GPHN: variants seen among roughly 807,000 people sequenced by gnomAD.
The protein encoded by GPHN is gephyrin.
In GPHN, 17 loss-of-function variants were observed where a neutral mutation model predicts 95.5. The observed-to-expected ratio is 0.18, with a 90% CI of 0.12 to 0.27. The LOEUF (loss-of-function observed/expected upper bound fraction) is 0.27. Among genes scored for constraint, GPHN ranks in the 10% least tolerant of loss-of-function variants. The pLI is 1.00. For synonymous variants in GPHN, 320 were observed against 322.5 expected (o/e 0.99, Z 0.08); for missense variants, 660 against 978.1 (o/e 0.67, Z 4.34).
chr14:67,144,267 A>ATG (rs2080746670), intron 18 of GPHN, among the ~76,000 whole-genome samples: 1 of 107,910 alleles, frequency 9.3e-6, no homozygotes, highest in Admixed American at 1.0e-4. Flanking sequence ...ATATATATAT[A>ATG]TATATATATA....
the GPHN span, among the ~76,000 whole-genome samples, chr14:67,540,625 CAAAA>C: frequency 1.6e-5 from 2 of 123,228 alleles, no homozygotes; most frequent in Non-Finnish European, 3.6e-5. Flanking sequence ...GACTCTCCCT[CAAAA>C]AAAAAAAAAA....
At chr14:66,640,283 G>A (rs912810008) in intron 1 of GPHN, among the ~76,000 whole-genome samples, 39 of 152,022 alleles carry the variant, frequency 2.6e-4, no homozygotes, top group African/African-American at 8.0e-4. Flanking sequence ...TTGGCTGGGC[G>A]TGGTGGCACG....
chr14:66,660,599 T>C (rs2065587134), intron 1 of GPHN, among the ~76,000 whole-genome samples: 1 of 152,218 alleles, frequency 6.6e-6, no homozygotes, highest in African/African-American at 2.4e-5. Flanking sequence ...GGTTCACAGT[T>C]CTTTTATTTA....
rs750327944 is a variant in GPHN at position 67,159,505 on chromosome 14, G to T, written c.1910+17G>T. 15 of 1,473,980 alleles carry T rather than the reference G, an allele frequency of 1.0e-5. No homozygotes were observed. The highest frequency in any genetic ancestry group is 1.4e-5 in the Non-Finnish European group (15 of 1,052,394). The allele number at this position is 1,473,980 out of a possible 1,614,324, so 91.3% of individuals were successfully genotyped here. On this transcript the variant is annotated intron_variant, in intron 19 of 22. Coordinates refer to ENST00000478722, the MANE Select transcript of GPHN (RefSeq NM_020806.5). ...GAAACCAGGGTATGAAAATCATCTT[G>T]TTATCTCATATATGGGGTTGGTTTG...
chr14:67,252,532 C>T, the GPHN span, among the ~76,000 whole-genome samples: 1 of 152,016 alleles, frequency 6.6e-6, no homozygotes, highest in Non-Finnish European at 1.5e-5. Context: ...TACAGGAGGC[C>T]CAAAACTTGT....
chr14:67,594,865 T>A, the GPHN span, among the ~76,000 whole-genome samples: 8 of 151,884 alleles, frequency 5.3e-5, no homozygotes, highest in African/African-American at 1.9e-4. Flanking sequence ...AACACTTACA[T>A]TAGGCCGGGC....
the GPHN span, among the ~76,000 whole-genome samples, chr14:67,260,483 A>T: frequency 6.6e-6 from 1 of 152,248 alleles, no homozygotes; most frequent in African/African-American, 2.4e-5. Flanking sequence ...GGGGGCTTGC[A>T]ATTAATAGAC....
the GPHN span, chr14:67,722,828 G>T: frequency 4.5e-6 from 4 of 880,686 alleles, no homozygotes; most frequent in Admixed American, 7.2e-5. Context: ...AGTCAGGGCA[G>T]GAAAAGCAGG....
At chr14:66,943,745 A>G (rs1016864388) in intron 8 of GPHN, among the ~76,000 whole-genome samples, 1 of 152,188 alleles carries the variant, frequency 6.6e-6, no homozygotes, top group African/African-American at 2.4e-5. Context: ...CACACACACA[A>G]CACATATATA....
chr14:67,398,044 T>A, the GPHN span: 1 of 387,910 alleles, frequency 2.6e-6, no homozygotes, highest in Admixed American at 4.5e-5. Context: ...TGGTTTTAAA[T>A]CTTGAAAGAA....
At chr14:67,475,319 T>C in the GPHN span, among the ~76,000 whole-genome samples, 2 of 152,242 alleles carry the variant, frequency 1.3e-5, no homozygotes, top group Non-Finnish European at 2.9e-5. Flanking sequence ...CTTCTACCTT[T>C]TGGCTACTCA....
At chr14:67,095,707 C>A (rs1470474552) in intron 12 of GPHN, among the ~76,000 whole-genome samples, 1 of 151,800 alleles carries the variant, frequency 6.6e-6, no homozygotes, top group Non-Finnish European at 1.5e-5. Flanking sequence ...CATGTTCTCA[C>A]TCATAGATGG....
chr14:66,608,875 T>C (rs1259430421), intron 1 of GPHN, among the ~76,000 whole-genome samples: 1 of 152,168 alleles, frequency 6.6e-6, no homozygotes, highest in Non-Finnish European at 1.5e-5. Flanking sequence ...CTTTCGGTAT[T>C]GTTACATGTG....
intron 1 of GPHN, among the ~76,000 whole-genome samples, chr14:66,511,605 C>A (rs1374020536): frequency 6.6e-6 from 1 of 151,968 alleles, no homozygotes; most frequent in Admixed American, 6.5e-5. Flanking sequence ...TTCTTTGAAA[C>A]TTTTCATCCA....
At chr14:66,793,167 C>G (rs930618972) in intron 3 of GPHN, among the ~76,000 whole-genome samples, 6 of 152,216 alleles carry the variant, frequency 3.9e-5, no homozygotes, top group Non-Finnish European at 7.3e-5. Context: ...CAGTTTATGG[C>G]CAGATTTTGG....
At chr14:66,650,402 A>G (rs2064987716) in intron 1 of GPHN, among the ~76,000 whole-genome samples, 4 of 152,208 alleles carry the variant, frequency 2.6e-5, no homozygotes, top group African/African-American at 4.8e-5. Flanking sequence ...GGCTAACCAC[A>G]TTGCTAAAGC....
At chr14:67,567,145 C>T in the GPHN span, among the ~76,000 whole-genome samples, 1 of 112,920 alleles carries the variant, frequency 8.9e-6, no homozygotes, top group African/African-American at 3.0e-5. Context: ...CACTCGTGTT[C>T]CGTGTTCCGG....
the GPHN span, chr14:67,200,094 A>G: frequency 9.9e-7 from 1 of 1,008,918 alleles, no homozygotes; most frequent in South Asian, 1.6e-5. Context: ...CTTATCCTGG[A>G]CCTCCTCCAA....
chr14:66,697,022 CTTA>C (rs1438457771), intron 2 of GPHN, among the ~76,000 whole-genome samples: 8 of 152,100 alleles, frequency 5.3e-5, no homozygotes, highest in South Asian at 2.1e-4. Context: ...AAAGTAATGA[CTTA>C]TTATCTGTTT....
Sources: gnomAD v4.1 joint callset for allele counts (sites outside exome capture counted in the v4.1 genomes callset) on GRCh38, gnomAD v4.1.1 for gene constraint, MANE v1.5 for transcripts, NCBI Gene and HGNC (gene_info 2026-07-23, HGNC 2026-07-21) for gene names.